Variants in RIC1 observed in about 807,000 individuals in gnomAD.
The protein encoded by RIC1 is RIC1 partner of RAB6A GEF complex.
RIC1 carries 88 observed loss-of-function variants against 169.0 expected under a neutral mutation model. That is an observed-to-expected ratio of 0.52 (90% CI 0.44 to 0.62). The LOEUF is 0.62. RIC1 is among the 20% of genes least tolerant of loss of function. The probability of loss-of-function intolerance (pLI) is 0.00; values close to 1 mark genes in which losing one functional copy is unlikely to be tolerated. For missense variants in RIC1, 1,877 were observed against 1,725.5 expected (o/e 1.09, Z -1.56); for synonymous variants, 790 against 601.5 (o/e 1.31, Z -4.59).
At chr9:5,769,336 ATT>A (rs1358240594) in intron 22 of RIC1, 80 bp downstream of exon 22, 1 of 1,613,444 alleles carries the variant, frequency 6.2e-7, no homozygotes, top group East Asian at 2.2e-5. Context: ...ATTAGTTGAT[ATT>A]CAAGGAATTA....
At chr9:5,688,103 A>G (rs1821362218) in intron 2 of RIC1, among the ~76,000 whole-genome samples, 2 of 152,210 alleles carry the variant, frequency 1.3e-5, no homozygotes, top group South Asian at 4.1e-4. Flanking sequence ...TATAGTTCAC[A>G]TTTGGAACAT....
At chr9:5,764,872 T>C (rs1215729468) in intron 19 of RIC1, among the ~76,000 whole-genome samples, 2 of 152,236 alleles carry the variant, frequency 1.3e-5, no homozygotes, top group Non-Finnish European at 1.5e-5. Flanking sequence ...TACAGTTGTC[T>C]ATTAGGCACC....
At chr9:5,737,481 T>C (rs942737099) in intron 7 of RIC1, among the ~76,000 whole-genome samples, 35 of 145,552 alleles carry the variant, frequency 2.4e-4, no homozygotes, top group Admixed American at 9.4e-4. Flanking sequence ...ATCTGAAATT[T>C]GTATACATTA....
chr9:5,745,969 C>T lies in RIC1; in HGVS notation c.1134C>T (p.Ser378=), dbSNP rs560272642. 27 of 1,613,442 alleles carry T rather than the reference C, an allele frequency of 1.7e-5. No individual in the cohort carries two copies. The highest frequency in any genetic ancestry group is 2.2e-5 in the East Asian group (1 of 44,858). Residue 378 remains serine (S), a synonymous_variant, in exon 11 of 26, where the codon AGC becomes AGT. Transcript: ENST00000414202. ...GAEGYHLWVI[S]GFGSQNTEIE... is the part of the protein sequence containing the mutation. ...AAGGCTATCACCTATGGGTAATCAG[C>T]GGATTTGGTTCTCAAAACACTGAAA...
At chr9:5,682,033 A>T (rs1355777634) in intron 2 of RIC1, among the ~76,000 whole-genome samples, 1 of 151,788 alleles carries the variant, frequency 6.6e-6, no homozygotes, top group East Asian at 1.9e-4. Context: ...CCATCCCTTT[A>T]TTTTGAGCCT....
At chr9:5,677,840 C>CT (rs1264928366) in intron 2 of RIC1, among the ~76,000 whole-genome samples, 5 of 150,976 alleles carry the variant, frequency 3.3e-5, no homozygotes, top group South Asian at 2.1e-4. Flanking sequence ...CATGTTTACT[C>CT]TTTTTTTTTA....
chr9:5,758,537 T>G (rs1407256128), intron 17 of RIC1, among the ~76,000 whole-genome samples: 3 of 152,134 alleles, frequency 2.0e-5, no homozygotes, highest in Non-Finnish European at 4.4e-5. Flanking sequence ...GTAGAAGACA[T>G]TGTAAAAGCT....
At chr9:5,777,120 A>T (rs376900145), downstream of RIC1, among the ~76,000 whole-genome samples, 46 of 152,240 alleles carry the variant, frequency 3.0e-4, no homozygotes, top group African/African-American at 1.1e-3. Flanking sequence ...GTTAATGTAA[A>T]TCTTCTCGTA....
At chr9:5,640,768 T>C (rs768921988) in intron 1 of RIC1, among the ~76,000 whole-genome samples, 1 of 152,232 alleles carries the variant, frequency 6.6e-6, no homozygotes, top group African/African-American at 2.4e-5. Context: ...TAGCATTTCT[T>C]GAGGGCAGAT....
chr9:5,680,961 G>C (rs1306207499), intron 2 of RIC1, among the ~76,000 whole-genome samples: 1 of 149,310 alleles, frequency 6.7e-6, no homozygotes, highest in Admixed American at 6.7e-5. Flanking sequence ...CGAGTAGCTG[G>C]GACTACAGGC....
intron 1 of RIC1, among the ~76,000 whole-genome samples, chr9:5,650,761 G>A (rs1563869123): frequency 6.6e-6 from 1 of 152,102 alleles, no homozygotes; most frequent in Non-Finnish European, 1.5e-5. Context: ...TTGTCCTTGT[G>A]ATAGCCTCCC....
intron 1 of RIC1, among the ~76,000 whole-genome samples, chr9:5,641,603 T>C (rs932756824): frequency 7.2e-5 from 11 of 152,126 alleles, no homozygotes; most frequent in South Asian, 2.1e-4. Flanking sequence ...TTCACTGTTT[T>C]CTATTCTTTT....
intron 1 of RIC1, among the ~76,000 whole-genome samples, chr9:5,646,833 T>A (rs1416892184): frequency 6.6e-6 from 1 of 150,998 alleles, no homozygotes; most frequent in African/African-American, 2.4e-5. Flanking sequence ...GTCTTACCTA[T>A]TTTTTTTTGT....
intron 1 of RIC1, among the ~76,000 whole-genome samples, chr9:5,642,835 G>C (rs1438868570): frequency 6.6e-6 from 1 of 152,182 alleles, no homozygotes; most frequent in Non-Finnish European, 1.5e-5. Flanking sequence ...CCAAATTTAA[G>C]TTCTTTTTAT....
intron 3 of RIC1, among the ~76,000 whole-genome samples, chr9:5,705,487 A>G (rs1822530363): frequency 6.6e-6 from 1 of 152,080 alleles, no homozygotes; most frequent in Admixed American, 6.5e-5. Flanking sequence ...TGTGTTGATC[A>G]TGTACTACAG....
chr9:5,629,378 C>A lies in RIC1; in HGVS notation c.69C>A (p.Phe23Leu). 6.5e-7 allele frequency: 1 copy of A among 1,533,752 alleles called. No individual in the cohort carries two copies. ...CPLGSPAEAP[F>L]HVQSDPQRAF... ...TGGGGAGCCCGGCCGAGGCGCCTTTCCACGTTCAGTCCGACCCGCAGAGGG... is the reference window on the plus strand; with the variant it reads ...TGGGGAGCCCGGCCGAGGCGCCTTTACACGTTCAGTCCGACCCGCAGAGGG... Residue 23 changes from phenylalanine (F) to leucine (L), a missense_variant, in exon 1 of 26, where the codon TTC becomes TTA. Phe to Leu is a conservative substitution (Grantham distance 22, BLOSUM62 0). Transcript: ENST00000414202.
intron 2 of RIC1, among the ~76,000 whole-genome samples, chr9:5,685,653 G>T (rs1021994028): frequency 3.3e-5 from 5 of 151,634 alleles, no homozygotes; most frequent in East Asian, 1.9e-4. Flanking sequence ...TTAAATGTTA[G>T]ACCTAAAACC....
intron 2 of RIC1, among the ~76,000 whole-genome samples, chr9:5,680,586 T>C (rs1820758148): frequency 6.6e-6 from 1 of 152,172 alleles, no homozygotes; most frequent in Non-Finnish European, 1.5e-5. Context: ...GTAGGGTGTA[T>C]GTGTCCAGGA....
rs148923717 is a variant in RIC1, at chr9:5,692,253, A to G, written c.332+2215A>G. Among the ~76,000 whole-genome samples, 542 of 152,198 alleles carry G rather than the reference A, an allele frequency of 3.6e-3. 1 individual carries two copies. Among genetic ancestry groups the G allele is most frequent in the African/African-American group, 0.012 (504 of 41,574 alleles). ...ATGTTGGCTGTGCCACTTTTCAGCT[A>G]TATGACTTCTTTCAAGTTATTTAAT... On this transcript the variant is annotated intron_variant, in intron 3 of 25. Coordinates refer to ENST00000414202, the MANE Select transcript of RIC1 (RefSeq NM_020829.4).
Sources: gnomAD v4.1 joint callset for allele counts (sites outside exome capture counted in the v4.1 genomes callset) on GRCh38, gnomAD v4.1.1 for gene constraint, MANE v1.5 for transcripts, NCBI Gene and HGNC (gene_info 2026-07-23, HGNC 2026-07-21) for gene names.